PTPRD: variants seen among roughly 807,000 people sequenced by gnomAD.
The protein encoded by PTPRD is receptor-type tyrosine-protein phosphatase delta.
PTPRD carries 34 observed loss-of-function variants against 214.5 expected under a neutral mutation model. That is an observed-to-expected ratio of 0.16 (90% CI 0.12 to 0.21). The LOEUF (loss-of-function observed/expected upper bound fraction) is 0.21. PTPRD is among the 10% of genes least tolerant of loss of function. The pLI, the probability that PTPRD is intolerant of heterozygous loss-of-function variation, is 1.00. For missense variants in PTPRD, 2,545 were observed against 2,398.7 expected (o/e 1.06, Z -1.27); for synonymous variants, 1,128 against 845.7 (o/e 1.33, Z -5.79).
intron 3 of PTPRD, among the ~76,000 whole-genome samples, chr9:10,298,544 T>C (rs1565126726): frequency 6.6e-6 from 1 of 152,146 alleles, no homozygotes. Flanking sequence ...TTTCACTTAA[T>C]TGCCATCATT....
intron 3 of PTPRD, among the ~76,000 whole-genome samples, chr9:10,145,452 T>C (rs1409111050): frequency 7.2e-5 from 11 of 152,126 alleles, no homozygotes; most frequent in Admixed American, 6.6e-4. Context: ...ACTTAATAAA[T>C]TGTAAACGTA....
chr9:9,886,074 A>G (rs1048063335), intron 5 of PTPRD, among the ~76,000 whole-genome samples: 23 of 152,184 alleles, frequency 1.5e-4, no homozygotes, highest in Non-Finnish European at 2.2e-4. Context: ...CTATGGATAG[A>G]AAACAGAATG....
At chr9:9,743,121 TGCA>T (rs2098421082) in intron 6 of PTPRD, among the ~76,000 whole-genome samples, 1 of 152,170 alleles carries the variant, frequency 6.6e-6, no homozygotes, top group South Asian at 2.1e-4. Context: ...TACATCCCCC[TGCA>T]ATGGCTCATG....
At chr9:9,892,568 T>C (rs961627514) in intron 5 of PTPRD, among the ~76,000 whole-genome samples, 5 of 152,008 alleles carry the variant, frequency 3.3e-5, no homozygotes, top group African/African-American at 7.2e-5. Context: ...TGGAAAAACA[T>C]TGGAACTAGT....
At chr9:10,085,035 T>C (rs1332360800) in intron 3 of PTPRD, among the ~76,000 whole-genome samples, 1 of 151,938 alleles carries the variant, frequency 6.6e-6, no homozygotes, top group African/African-American at 2.4e-5. Context: ...AAGTAAAGGA[T>C]GTCCTCTGGG....
intron 3 of PTPRD, among the ~76,000 whole-genome samples, chr9:10,257,264 T>C (rs1342063816): frequency 6.6e-6 from 1 of 152,180 alleles, no homozygotes; most frequent in African/African-American, 2.4e-5. Context: ...TCCTAAACAA[T>C]TTGCCTATAT....
chr9:9,057,502 T>C (rs1269831784), intron 10 of PTPRD, among the ~76,000 whole-genome samples: 2 of 152,160 alleles, frequency 1.3e-5, no homozygotes, highest in Non-Finnish European at 1.5e-5. Flanking sequence ...ATGACAAAAA[T>C]GAAGCCTGAA....
chr9:9,418,747 T>G (rs2077730342), intron 8 of PTPRD, among the ~76,000 whole-genome samples: 1 of 151,952 alleles, frequency 6.6e-6, no homozygotes, highest in African/African-American at 2.4e-5. Flanking sequence ...AGACATAGTC[T>G]TTGCTCTTGA....
At chr9:8,750,865 G>A (rs559130632) in intron 11 of PTPRD, among the ~76,000 whole-genome samples, 1 of 152,290 alleles carries the variant, frequency 6.6e-6, no homozygotes, top group African/African-American at 2.4e-5. Flanking sequence ...GCTATGGAGT[G>A]ACACGGTCTG....
chr9:8,717,727 A>C (rs1337091399), intron 12 of PTPRD, among the ~76,000 whole-genome samples: 4 of 152,166 alleles, frequency 2.6e-5, no homozygotes, highest in African/African-American at 9.7e-5. Context: ...ACATGTCTAC[A>C]TTCTATTCCA....
At chr9:9,479,249 G>A (rs1170406922) in intron 8 of PTPRD, among the ~76,000 whole-genome samples, 1 of 85,314 alleles carries the variant, frequency 1.2e-5, no homozygotes, top group Non-Finnish European at 2.1e-5. Context: ...CCCACCTCTA[G>A]CATTTGGAAT....
intron 8 of PTPRD, among the ~76,000 whole-genome samples, chr9:9,472,109 TATC>T (rs2094633802): frequency 1.3e-5 from 2 of 152,120 alleles, no homozygotes; most frequent in Non-Finnish European, 2.9e-5. Flanking sequence ...TATTCTACCT[TATC>T]ATTTTAATTA....
intron 37 of PTPRD, among the ~76,000 whole-genome samples, chr9:8,378,992 T>C (rs2084108587): frequency 6.6e-6 from 1 of 151,880 alleles, no homozygotes. Flanking sequence ...CTGACCCCTT[T>C]AGAAAAAAAA....
At chr9:9,851,129 G>A (rs1244794008) in intron 5 of PTPRD, among the ~76,000 whole-genome samples, 3 of 152,142 alleles carry the variant, frequency 2.0e-5, no homozygotes, top group African/African-American at 7.2e-5. Flanking sequence ...TTAAAGTACA[G>A]TGCTTAGCAT....
intron 37 of PTPRD, among the ~76,000 whole-genome samples, chr9:8,385,693 C>A (rs1172437589): frequency 6.6e-6 from 1 of 152,112 alleles, no homozygotes; most frequent in Non-Finnish European, 1.5e-5. Flanking sequence ...CTACATGTAA[C>A]CCATGTCTAT....
chr9:8,790,778 A>AG (rs398113208), intron 11 of PTPRD, among the ~76,000 whole-genome samples: 21 of 151,364 alleles, frequency 1.4e-4, no homozygotes, highest in South Asian at 6.3e-4. Context: ...GAAAAAAAAA[A>AG]GGGGGTAGTG....
intron 7 of PTPRD, among the ~76,000 whole-genome samples, chr9:9,585,384 C>T (rs1226095824): frequency 6.6e-6 from 1 of 152,084 alleles, no homozygotes; most frequent in Non-Finnish European, 1.5e-5. Flanking sequence ...TTACAAGTTT[C>T]ATCTTCAATT....
At chr9:8,519,136 A>C (rs1212041850) in intron 20 of PTPRD, among the ~76,000 whole-genome samples, 1 of 152,206 alleles carries the variant, frequency 6.6e-6, no homozygotes, top group East Asian at 1.9e-4. Flanking sequence ...TCAATGCTTT[A>C]TTCTTAATAT....
chr9:9,886,478 G>A (rs868287208), intron 5 of PTPRD, among the ~76,000 whole-genome samples: 1 of 152,132 alleles, frequency 6.6e-6, no homozygotes, highest in South Asian at 2.1e-4. Flanking sequence ...AGGAGGCTGT[G>A]TATTTTTCCC....
Sources: gnomAD v4.1 joint callset for allele counts (sites outside exome capture counted in the v4.1 genomes callset) on GRCh38, gnomAD v4.1.1 for gene constraint, MANE v1.5 for transcripts, NCBI Gene and HGNC (gene_info 2026-07-23, HGNC 2026-07-21) for gene names.